MRPS22: variants seen among roughly 807,000 people sequenced by gnomAD.
The protein encoded by MRPS22 is mitochondrial ribosomal protein S22, also known as small ribosomal subunit protein mS22.
Under a neutral mutation model 44.0 loss-of-function variants are expected in MRPS22, and 30 were observed. That is an observed-to-expected ratio of 0.68 (90% CI 0.51 to 0.93). The LOEUF (loss-of-function observed/expected upper bound fraction) is 0.93. Among genes scored for constraint, MRPS22 ranks in the 40% least tolerant of loss-of-function variants. MRPS22 has a pLI of 0.00. For missense variants in MRPS22, 447 were observed against 447.8 expected (o/e 1.00, Z 0.02); for synonymous variants, 165 against 154.4 (o/e 1.07, Z -0.51).
rs377459479 is a variant in MRPS22 at position 139,348,146 on chromosome 3, T to C, written c.340-14T>C. On this transcript the variant is annotated splice_polypyrimidine_tract_variant and intron_variant, in intron 2 of 7. Transcript: ENST00000680020. ...ACCTTGTGGCTTTCCTTAATAAATA[T>C]TTTCTTTCATTAGGCTACAAGACAG... 3.7e-6 allele frequency: 6 copies of C among 1,613,546 alleles called. No homozygotes were observed. Among genetic ancestry groups the C allele is most frequent in the Middle Eastern group, 1.6e-4 (1 of 6,084 alleles).
At chr3:139,349,052 A>G in intron 3 of MRPS22, 1 of 302,074 alleles carries the variant, frequency 3.3e-6, no homozygotes, top group South Asian at 2.9e-5. Flanking sequence ...TTTATTATAC[A>G]TGATTATGGT....
In MRPS22 at chr3:139,348,333, A is replaced by G; in HGVS notation, c.504+9A>G. On this transcript the variant is annotated intron_variant, in intron 3 of 7. Coordinates refer to ENST00000680020, the MANE Select transcript of MRPS22 (RefSeq NM_020191.4). ...ATAGCATACCACACCGGGTGAGTAT[A>G]TGTCTAATCGCAAAATGATCTTTCT... 1.2e-6 allele frequency: 2 copies of G among 1,613,184 alleles called. No individual in the cohort carries two copies. The highest frequency in any genetic ancestry group is 8.5e-7 in the Non-Finnish European group (1 of 1,179,448).
At position 139,357,031 on chromosome 3, in the gene MRPS22, CATTT is replaced by C; in HGVS notation, c.*22_*25del. ...GCTTCCTAAAAATATTTTAAAAATA[CATTT>C]ATTTTACTAAATACTGACTACATTT... On this transcript the variant is annotated 3_prime_UTR_variant, in exon 8 of 8. Transcript: ENST00000680020. The C allele has an allele frequency of 6.5e-7, 1 of 1,548,008 alleles. No individual in the cohort carries two copies. Among genetic ancestry groups the C allele is most frequent in the Non-Finnish European group, 8.9e-7 (1 of 1,124,696 alleles).
At chr3:139,347,156 G>A in intron 2 of MRPS22, 112 bp downstream of exon 2, 2 of 1,199,980 alleles carry the variant, frequency 1.7e-6, no homozygotes, top group South Asian at 2.5e-5. Flanking sequence ...CTAGTGAAAG[G>A]TAATACCAGG....
chr3:139,349,243 G>A, intron 3 of MRPS22: 1 of 434,076 alleles, frequency 2.3e-6, no homozygotes, highest in South Asian at 1.7e-5. Context: ...AAGGAACTTG[G>A]AATTCAGGTT....
intron 2 of MRPS22, among the ~76,000 whole-genome samples, 167 bp downstream of exon 2, chr3:139,347,211 C>T (rs1576361736): frequency 1.3e-5 from 2 of 152,234 alleles, no homozygotes; most frequent in East Asian, 3.9e-4. Context: ...CAGAGAGGGG[C>T]AGGGAGCATG....
rs529420719 is a variant in MRPS22 at position 139,350,874 on chromosome 3, C to T, written c.649-103C>T. On this transcript the variant is annotated intron_variant, in intron 4 of 7. Transcript: ENST00000680020. ...TTCTTTCTTTATGCTTCTTGAGGAG[C>T]ACAGAGTGGCCAGTATGTGGGTGGG... is the stretch of plus-strand genomic sequence containing the variant. 3.5e-5 allele frequency: 30 copies of T among 846,826 alleles called. No individual in the cohort carries two copies. In the East Asian group the frequency reaches 6.6e-4, roughly 19 times the overall value. The allele number at this position is 846,826 out of a possible 1,614,324, so 52.5% of individuals were successfully genotyped here.
chr3:139,348,045 T>C (rs1370620393), intron 2 of MRPS22, 115 bp from the exon 3 acceptor site: 14 of 1,101,276 alleles, frequency 1.3e-5, no homozygotes, highest in Non-Finnish European at 1.7e-5. Context: ...GATTTGTGGC[T>C]ACACCTTCTT....
At chr3:139,352,337 TA>T (rs994797769) in intron 5 of MRPS22, 5 of 283,814 alleles carry the variant, frequency 1.8e-5, no homozygotes, top group Non-Finnish European at 3.4e-5. Flanking sequence ...GCTAATTTTT[TA>T]AAAAATTTTC....
In MRPS22 at chr3:139,348,160, G is replaced by C. The variant is rs186564091; in HGVS notation, c.340G>C (p.Ala114Pro). 2 of 1,613,896 alleles carry C rather than the reference G, an allele frequency of 1.2e-6. No homozygotes were observed. Among genetic ancestry groups the C allele is most frequent in the Non-Finnish European group, 1.7e-6 (2 of 1,179,946 alleles). ...KLMTQAQLEE[A>P]TRQAVEAAKV... ...CTTAATAAATATTTTCTTTCATTAGGCTACAAGACAGGCAGTTGAGGCAGC... is the reference window on the plus strand; with the variant it reads ...CTTAATAAATATTTTCTTTCATTAGCCTACAAGACAGGCAGTTGAGGCAGC... Residue 114 changes from alanine (A) to proline (P), a missense_variant and splice_region_variant, in exon 3 of 8, where the codon GCT becomes CCT. Ala to Pro is a conservative substitution (Grantham distance 27, BLOSUM62 -1). Transcript: ENST00000680020.
At chr3:139,344,780 G>A in intron 1 of MRPS22, 2 of 629,266 alleles carry the variant, frequency 3.2e-6, no homozygotes, top group South Asian at 3.6e-5. Context: ...AATTAAGATT[G>A]TTTCTTAAGT....
chr3:139,345,462 T>G (rs1014440603), intron 1 of MRPS22, among the ~76,000 whole-genome samples: 3 of 149,248 alleles, frequency 2.0e-5, no homozygotes, highest in African/African-American at 4.9e-5. Flanking sequence ...TTTTTTTTTT[T>G]TTTTGTAAAA....
Position 139,355,714 on chromosome 3 carries a change from A to G in MRPS22, c.911A>G (p.Tyr304Cys). 6.2e-7 allele frequency: 1 copy of G among 1,614,220 alleles called. No homozygotes were observed. Among genetic ancestry groups the G allele is most frequent in the Non-Finnish European group, 8.5e-7 (1 of 1,180,018 alleles). The change falls in exon 7 of 8, where the codon TAT (tyrosine) becomes TGT (cysteine). Residue 304 changes from tyrosine to cysteine, a missense_variant. Transcript: ENST00000680020. ...GATGCAACCAACTTGGTCCAGCTGT[A>G]TCACGTGCTCCATCCAGATGGCCAG... ...IDDATNLVQL[Y>C]HVLHPDGQSA...
intron 4 of MRPS22, 83 bp downstream of exon 4, chr3:139,350,405 A>G (rs1941123165): frequency 1.4e-6 from 2 of 1,474,926 alleles, no homozygotes; most frequent in African/African-American, 1.4e-5. Context: ...CTTGATCCAG[A>G]TAAACATTTC....
chr3:139,350,296 A>G lies in MRPS22; in HGVS notation c.622A>G (p.Ile208Val), dbSNP rs764923695. ...AGAAGGTCGTAAAATTTTGACACCA[A>G]TAATTTTCAAGGAAGAAAATCTTAG... ...PKEGRKILTPIIFKEENLRTM... is the reference protein window; with the variant it reads ...PKEGRKILTPVIFKEENLRTM... Residue 208 changes from isoleucine (I) to valine (V), a missense_variant, in exon 4 of 8, where the codon ATA (isoleucine) becomes GTA (valine). By Grantham distance (29) the Ile-to-Val change is conservative. Coordinates refer to ENST00000680020, the MANE Select transcript of MRPS22 (RefSeq NM_020191.4). The G allele has an allele frequency of 1.7e-5, 27 of 1,614,232 alleles. No homozygotes were observed. In the Admixed American group the frequency reaches 2.2e-4, roughly 13 times the overall value.
At chr3:139,356,204 G>T (rs1255076721) in intron 7 of MRPS22, among the ~76,000 whole-genome samples, 1 of 152,182 alleles carries the variant, frequency 6.6e-6, no homozygotes. Context: ...GGGGAAATGG[G>T]CATGTGTCAA....
At chr3:139,350,756 C>T (rs1941135039) in intron 4 of MRPS22, 1 of 568,636 alleles carries the variant, frequency 1.8e-6, no homozygotes. Flanking sequence ...TTAATAGAAT[C>T]CTCCTTACCA....
At chr3:139,351,563 A>G in intron 5 of MRPS22, 1 of 180,952 alleles carries the variant, frequency 5.5e-6, no homozygotes, top group Non-Finnish European at 1.2e-5. Flanking sequence ...TAAGTATACA[A>G]ATAATTATCT....
chr3:139,355,194 G>C (rs112631786), intron 6 of MRPS22, among the ~76,000 whole-genome samples: 66 of 152,224 alleles, frequency 4.3e-4, no homozygotes, highest in African/African-American at 1.5e-3. Context: ...GGGGCCTCTT[G>C]TAGAGGCATT....
Sources: gnomAD v4.1 joint callset for allele counts (sites outside exome capture counted in the v4.1 genomes callset) on GRCh38, gnomAD v4.1.1 for gene constraint, MANE v1.5 for transcripts, NCBI Gene and HGNC (gene_info 2026-07-23, HGNC 2026-07-21) for gene names.